RAE1: variants seen among roughly 807,000 people sequenced by gnomAD.
RAE1 encodes the protein ribonucleic acid export 1.
In RAE1, 13 loss-of-function variants were observed where a neutral mutation model predicts 52.7. That is an observed-to-expected ratio of 0.25 (90% confidence interval 0.16 to 0.39). The LOEUF (loss-of-function observed/expected upper bound fraction) is 0.39. Ranked by LOEUF, RAE1 falls within the 10% of genes least tolerant of loss-of-function variation. The pLI is 1.00. For missense variants in RAE1, 262 were observed against 459.8 expected (o/e 0.57, Z 3.93); for synonymous variants, 164 against 153.1 (o/e 1.07, Z -0.52).
At chr20:57,357,539 G>C (rs1270893889) in intron 4 of RAE1, 1 of 152,188 alleles carries the variant, frequency 6.6e-6, no homozygotes, top group African/African-American at 2.4e-5. Context: ...GTTGGTCTTA[G>C]CGGTATTGGG....
intron 11 of RAE1, among the ~76,000 whole-genome samples, chr20:57,375,816 C>T (rs933848274): frequency 6.6e-6 from 1 of 152,208 alleles, no homozygotes; most frequent in Non-Finnish European, 1.5e-5. Flanking sequence ...CGGTCACTCA[C>T]CCGTCCCTTC....
chr20:57,378,361 G>A lies in RAE1; in HGVS notation c.*262G>A, dbSNP rs2067145969. The stretch of plus-strand genomic sequence containing the variant: ...GACGTTAGATTGCGGGCACCGCCAG[G>A]GATTTTGCAGCGCTTCAGTGTACGT... On this transcript the variant is annotated 3_prime_UTR_variant, in exon 12 of 12. Coordinates refer to ENST00000395841, the MANE Select transcript of RAE1 (RefSeq NM_003610.4). 6 of 423,192 alleles carry A rather than the reference G, an allele frequency of 1.4e-5. No homozygotes were observed. In the South Asian group the frequency reaches 3.0e-4, roughly 21 times the overall value. 26.2% of individuals were successfully genotyped at this position (423,192 alleles called of 1,614,324 possible). A position where few individuals can be genotyped will look rare whatever the true frequency, so the allele number is the denominator to read the frequency against.
At chr20:57,374,905 T>G in intron 11 of RAE1, 104 bp downstream of exon 11, 3 of 1,303,782 alleles carry the variant, frequency 2.3e-6, no homozygotes, top group Non-Finnish European at 3.3e-6. Context: ...GACTCACGTG[T>G]GTCCTTGGGC....
chr20:57,354,155 G>T, intron 2 of RAE1, 27 bp downstream of exon 2: 1 of 1,594,346 alleles, frequency 6.3e-7, no homozygotes, highest in African/African-American at 1.3e-5. Context: ...CCTGGGGCTT[G>T]TAGGAAGAGT....
In RAE1 at chr20:57,375,433, A is replaced by T. The variant is rs186534278; in HGVS notation, c.1020+632A>T. Among the ~76,000 whole-genome samples the T allele has an allele frequency of 1.7e-3, 263 of 152,014 alleles. 1 individual carries two copies. The highest frequency in any genetic ancestry group is 1.6e-3 in the Non-Finnish European group (109 of 67,948). The stretch of plus-strand genomic sequence containing the variant: ...TTTCCCTACCCTGCCCTGGCTTCCG[A>T]TGGGGAGGTCACCTGCTTCACATAG... On this transcript the variant is annotated intron_variant, in intron 11 of 11. Transcript: ENST00000395841.
intron 4 of RAE1, chr20:57,358,622 G>A (rs2066836187): frequency 5.8e-6 from 1 of 172,612 alleles, no homozygotes; most frequent in Non-Finnish European, 1.2e-5. Flanking sequence ...GATCACATAG[G>A]ACTTTAATCA....
rs367591454 is a variant in RAE1 at position 57,366,559 on chromosome 20, A to G, written c.376-248A>G. 8.5e-5 allele frequency among the ~76,000 whole-genome samples: 13 copies of G among 152,316 alleles called. No homozygotes were observed. The East Asian group carries it at 2.1e-3, about 25-fold the overall frequency. ...GCTAACACAGGAGGGATCCGCCCCCATGACCCAGACATCTCCCACCAGGCC... is the reference window on the plus strand; with the variant it reads ...GCTAACACAGGAGGGATCCGCCCCCGTGACCCAGACATCTCCCACCAGGCC... On this transcript the variant is annotated intron_variant, in intron 5 of 11. Transcript: ENST00000395841.
At chr20:57,351,849 T>G in intron 1 of RAE1, 7 of 985,472 alleles carry the variant, frequency 7.1e-6, no homozygotes, top group Non-Finnish European at 8.4e-6. Flanking sequence ...CTAAGTCTGT[T>G]TCTGTCTTAG....
intron 1 of RAE1, 147 bp downstream of exon 1, chr20:57,351,569 A>C (rs1333863393): frequency 1.0e-6 from 1 of 985,282 alleles, no homozygotes. Context: ...CCTGGAAGCG[A>C]GGTCAGAGCT....
chr20:57,377,679 A>T (rs946760993), intron 11 of RAE1, among the ~76,000 whole-genome samples: 2 of 152,126 alleles, frequency 1.3e-5, no homozygotes, highest in Non-Finnish European at 2.9e-5. Context: ...CTCAGGTCAG[A>T]ACTAATTCTG....
At chr20:57,370,563 G>A (rs1600724328) in intron 8 of RAE1, among the ~76,000 whole-genome samples, 1 of 152,274 alleles carries the variant, frequency 6.6e-6, no homozygotes, top group African/African-American at 2.4e-5. Context: ...CACCCAGTCG[G>A]ACAGCTCCTT....
chr20:57,361,393 C>T (rs148766323), intron 4 of RAE1, among the ~76,000 whole-genome samples: 1 of 151,906 alleles, frequency 6.6e-6, no homozygotes, highest in East Asian at 1.9e-4. Flanking sequence ...TTGGGGTGTT[C>T]GTGGTTAAAA....
chr20:57,369,642 T>C (rs2146167320), intron 8 of RAE1, among the ~76,000 whole-genome samples: 1 of 152,354 alleles, frequency 6.6e-6, no homozygotes, highest in African/African-American at 2.4e-5. Flanking sequence ...GTTGGTTCCA[T>C]TGTAAATTCC....
At chr20:57,367,500 T>A (rs1050453706) in intron 7 of RAE1, among the ~76,000 whole-genome samples, 8 of 151,962 alleles carry the variant, frequency 5.3e-5, no homozygotes, top group African/African-American at 1.9e-4. Flanking sequence ...CCTAGCACTT[T>A]GGGAGGCAAA....
rs62204170 is a variant in RAE1 at position 57,359,253 on chromosome 20, G to A, written c.288+2715G>A. ...AGAGCATGCCTGTGTTGGGTTAACA[G>A]TGCAAATAATACGGTGTTTATTATA... is the stretch of plus-strand genomic sequence containing the variant. On this transcript the variant is annotated intron_variant, in intron 4 of 11. Transcript: ENST00000395841. 1,226 of 364,314 alleles carry A rather than the reference G, an allele frequency of 3.4e-3. 6 individuals are homozygous for A. Among genetic ancestry groups the A allele is most frequent in the Non-Finnish European group, 1.7e-3 (356 of 204,672 alleles). 22.6% of individuals were successfully genotyped at this position (364,314 alleles called of 1,614,324 possible).
chr20:57,360,078 T>G (rs932943720), intron 4 of RAE1: 2 of 152,230 alleles, frequency 1.3e-5, no homozygotes, highest in Non-Finnish European at 2.9e-5. Flanking sequence ...AAGCGCACTT[T>G]CCAGTATGCT....
Position 57,365,440 on chromosome 20 carries a change from C to G in RAE1, c.373C>G (p.Gln125Glu). 6.3e-7 allele frequency: 1 copy of G among 1,599,084 alleles called. No homozygotes were observed. Among genetic ancestry groups the G allele is most frequent in the Non-Finnish European group, 8.5e-7 (1 of 1,170,550 alleles). The change falls in exon 5 of 12, where the codon CAG becomes GAG. Residue 125 changes from glutamine (Q) to glutamate (E), a missense_variant and splice_region_variant. Gln to Glu is a conservative substitution (Grantham distance 29). Transcript: ENST00000395841. ...LSSNQAIQIA[Q>E]HDAPVKTIHW... ...CAGTAACCAAGCGATACAGATCGCA[C>G]AGGTAACAGAAGCCTCTGCAGAAAG...
At chr20:57,359,021 T>C in intron 4 of RAE1, 1 of 1,522,050 alleles carries the variant, frequency 6.6e-7, no homozygotes, top group Non-Finnish European at 8.8e-7. Flanking sequence ...AAGAGACAGC[T>C]GAACCTTCGT....
intron 1 of RAE1, among the ~76,000 whole-genome samples, chr20:57,352,705 A>T (rs1568775365): frequency 6.6e-6 from 1 of 152,040 alleles, no homozygotes; most frequent in African/African-American, 2.4e-5. Context: ...TGCTTTAGGC[A>T]GTGTGTGTGT....
Sources: allele counts gnomAD v4.1 joint callset (sites outside exome capture counted in the v4.1 genomes callset), GRCh38; gene constraint gnomAD v4.1.1; transcripts MANE v1.5; gene names NCBI Gene and HGNC (gene_info 2026-07-23, HGNC 2026-07-21).